Variants in RAPGEF2 observed in about 807,000 individuals in gnomAD.
The protein encoded by RAPGEF2 is PDZ domain containing guanine nucleotide exchange factor (GEF) 1.
In RAPGEF2, 54 loss-of-function variants were observed where a neutral mutation model predicts 186.7. That is an observed-to-expected ratio of 0.29 (90% CI 0.23 to 0.36). The LOEUF is 0.36. Ranked by LOEUF, RAPGEF2 falls within the 10% of genes least tolerant of loss-of-function variation. RAPGEF2 has a pLI of 1.00. For synonymous variants in RAPGEF2, 712 were observed against 705.9 expected (o/e 1.01, Z -0.14); for missense variants, 1,532 against 2,045.0 (o/e 0.75, Z 4.84).
rs1440158923 is a variant in RAPGEF2 at position 159,329,961 on chromosome 4, A to T, written c.1253A>T (p.His418Leu). The T allele has an allele frequency of 6.2e-7, 1 of 1,613,524 alleles. No homozygotes were observed. Among genetic ancestry groups the T allele is most frequent in the Non-Finnish European group, 8.5e-7 (1 of 1,179,642 alleles). ...EEGEIVMVKEHRELDRTGTRK... is the reference protein window; with the variant it reads ...EEGEIVMVKELRELDRTGTRK... ...GGAGAGATTGTTATGGTGAAAGAACACCGAGAACTTGATCGAACTGGAACA... is the reference window on the plus strand; with the variant it reads ...GGAGAGATTGTTATGGTGAAAGAACTCCGAGAACTTGATCGAACTGGAACA... Residue 418 changes from histidine (H) to leucine (L), a missense_variant, in exon 12 of 30, where the codon CAC becomes CTC. Transcript: ENST00000691494.
rs528032515 is a variant in RAPGEF2, at chr4:159,278,727, C to T, written c.544-25615C>T. Among the ~76,000 whole-genome samples the T allele has an allele frequency of 1.1e-3, 174 of 152,276 alleles. 1 individual carries two copies. The highest frequency in any genetic ancestry group is 4.0e-3 in the African/African-American group (167 of 41,552). ...TTACAATCTGGCTTCATCACTCATT[C>T]GCTGTGTGACCCTGGCTGTGTGGTC... is the stretch of plus-strand genomic sequence containing the variant. On this transcript the variant is annotated intron_variant, in intron 7 of 29. Coordinates refer to ENST00000691494, the MANE Select transcript of RAPGEF2 (RefSeq NM_001394067.2).
intron 7 of RAPGEF2, among the ~76,000 whole-genome samples, chr4:159,301,373 C>G (rs1202976191): frequency 6.6e-6 from 1 of 151,996 alleles, no homozygotes; most frequent in African/African-American, 2.4e-5. Context: ...AAGATTCTGT[C>G]TCCAAAAAGA....
intron 25 of RAPGEF2, among the ~76,000 whole-genome samples, chr4:159,347,983 G>A (rs1730584440): frequency 6.6e-6 from 1 of 152,186 alleles, no homozygotes; most frequent in African/African-American, 2.4e-5. Context: ...CACTTCAGGA[G>A]GCTGAGACGG....
chr4:159,263,333 T>A (rs1207959579), intron 7 of RAPGEF2, among the ~76,000 whole-genome samples: 2 of 152,336 alleles, frequency 1.3e-5, no homozygotes, highest in East Asian at 3.9e-4. Flanking sequence ...TTATTTTGCA[T>A]TGGCTTAGTG....
chr4:159,187,345 C>A (rs1747667021), intron 2 of RAPGEF2, among the ~76,000 whole-genome samples: 1 of 152,064 alleles, frequency 6.6e-6, no homozygotes, highest in South Asian at 2.1e-4. Context: ...CTCCACTTCC[C>A]TCCCTTCCTC....
At chr4:159,133,481 A>C (rs995176257) in intron 1 of RAPGEF2, among the ~76,000 whole-genome samples, 1 of 150,400 alleles carries the variant, frequency 6.6e-6, no homozygotes, top group Admixed American at 6.6e-5. Context: ...GTGCGATCTC[A>C]GCTCACTGCA....
chr4:159,219,340 C>G (rs1751285615), intron 4 of RAPGEF2, among the ~76,000 whole-genome samples: 1 of 145,138 alleles, frequency 6.9e-6, no homozygotes, highest in Non-Finnish European at 1.5e-5. Flanking sequence ...AGTGTCCCAA[C>G]TGTATCCTTT....
intron 7 of RAPGEF2, among the ~76,000 whole-genome samples, chr4:159,251,412 C>T (rs1177198429): frequency 6.6e-6 from 1 of 152,246 alleles, no homozygotes; most frequent in East Asian, 1.9e-4. Flanking sequence ...ACTTGGAGAA[C>T]TTTTGTGTCT....
intron 7 of RAPGEF2, among the ~76,000 whole-genome samples, chr4:159,301,425 G>A (rs922603916): frequency 6.6e-6 from 1 of 152,108 alleles, no homozygotes; most frequent in African/African-American, 2.4e-5. Flanking sequence ...GGTGGGAAAA[G>A]ATTTTAAGGT....
intron 2 of RAPGEF2, among the ~76,000 whole-genome samples, chr4:159,188,524 C>T (rs753755710): frequency 4.0e-5 from 6 of 151,714 alleles, no homozygotes; most frequent in Admixed American, 1.3e-4. Flanking sequence ...ATTAGCGGGG[C>T]GTGTTGGCAA....
intron 1 of RAPGEF2, among the ~76,000 whole-genome samples, chr4:159,183,764 T>G (rs1579398013): frequency 6.6e-6 from 1 of 152,356 alleles, no homozygotes; most frequent in African/African-American, 2.4e-5. Flanking sequence ...TATTATACTT[T>G]AAGTTCTAGG....
chr4:159,356,839 T>C (rs1455402182), intron 29 of RAPGEF2, among the ~76,000 whole-genome samples: 1 of 152,034 alleles, frequency 6.6e-6, no homozygotes, highest in East Asian at 1.9e-4. Flanking sequence ...AGGCAGAGGT[T>C]GCAGTGAGCC....
chr4:159,325,591 A>G (rs543090176), intron 11 of RAPGEF2, among the ~76,000 whole-genome samples: 1 of 122,904 alleles, frequency 8.1e-6, no homozygotes, highest in African/African-American at 2.9e-5. Context: ...ACGAGCAAGT[A>G]AAAGTTTGTT....
chr4:159,330,913 A>G (rs1766600466), intron 13 of RAPGEF2, among the ~76,000 whole-genome samples: 1 of 152,162 alleles, frequency 6.6e-6, no homozygotes. Flanking sequence ...CACTCTCTGT[A>G]GGCCCCAGGA....
chr4:159,347,869 C>T (rs1561328945), intron 25 of RAPGEF2, among the ~76,000 whole-genome samples: 1 of 151,864 alleles, frequency 6.6e-6, no homozygotes, highest in Non-Finnish European at 1.5e-5. Context: ...TGTACACCTT[C>T]TTTTTTTTCT....
At chr4:159,312,807 T>A (rs191276712) in intron 8 of RAPGEF2, among the ~76,000 whole-genome samples, 1 of 152,356 alleles carries the variant, frequency 6.6e-6, no homozygotes, top group Non-Finnish European at 1.5e-5. Flanking sequence ...AATCTTATGT[T>A]CTGTGATATG....
intron 7 of RAPGEF2, among the ~76,000 whole-genome samples, chr4:159,256,483 A>G (rs1449484969): frequency 6.6e-6 from 1 of 152,158 alleles, no homozygotes; most frequent in African/African-American, 2.4e-5. Context: ...TGTCTTTGCT[A>G]TTGTGAGTAG....
At chr4:159,147,212 A>G (rs548193880) in intron 1 of RAPGEF2, among the ~76,000 whole-genome samples, 1 of 152,376 alleles carries the variant, frequency 6.6e-6, no homozygotes, top group South Asian at 2.1e-4. Context: ...AAATGGTACT[A>G]TCTTTAAAAA....
intron 19 of RAPGEF2, 131 bp downstream of exon 19, chr4:159,339,485 G>GA: frequency 9.3e-7 from 1 of 1,080,002 alleles, no homozygotes; most frequent in African/African-American, 1.6e-5. Context: ...TATTGTTGTT[G>GA]TTTTTTTTTT....
Sources: gnomAD v4.1 joint callset for allele counts (sites outside exome capture counted in the v4.1 genomes callset) on GRCh38, gnomAD v4.1.1 for gene constraint, MANE v1.5 for transcripts, NCBI Gene and HGNC (gene_info 2026-07-23, HGNC 2026-07-21) for gene names.